The following NAV2 variants were observed in gnomAD, a reference collection of about 807,000 sequenced individuals.
NAV2 encodes helicase, APC down-regulated 1.
In NAV2, 54 loss-of-function variants were observed where a neutral mutation model predicts 223.2. The observed-to-expected ratio is 0.24, with a 90% CI of 0.19 to 0.30. The LOEUF (loss-of-function observed/expected upper bound fraction) is 0.30, where lower values mean the gene tolerates loss of function less well. Among genes scored for constraint, NAV2 ranks in the 10% least tolerant of loss-of-function variants. The pLI, the probability that NAV2 is intolerant of heterozygous loss-of-function variation, is 1.00. For missense variants in NAV2, 2,806 were observed against 3,147.5 expected, an observed-to-expected ratio of 0.89 and a Z score of 2.60; for synonymous variants, 1,279 against 1,239.3, an observed-to-expected ratio of 1.03 and a Z score of -0.67.
At chr11:19,430,398 C>G (rs1564930626) in intron 1 of NAV2, among the ~76,000 whole-genome samples, 1 of 152,218 alleles carries the variant, frequency 6.6e-6, no homozygotes, top group Non-Finnish European at 1.5e-5. Context: ...CTCGCATAGC[C>G]TCCTCAGGCT....
At chr11:19,489,332 T>G (rs1019734856) in intron 1 of NAV2, among the ~76,000 whole-genome samples, 4 of 152,176 alleles carry the variant, frequency 2.6e-5, no homozygotes, top group African/African-American at 9.7e-5. Context: ...AATGTGAAAA[T>G]TGTGATGTCT....
At chr11:19,515,719 C>A (rs1229517926) in intron 1 of NAV2, among the ~76,000 whole-genome samples, 1 of 152,132 alleles carries the variant, frequency 6.6e-6, no homozygotes, top group Non-Finnish European at 1.5e-5. Flanking sequence ...TCCCTTGATA[C>A]AAATAACTCT....
rs571521065 is a variant in NAV2, at chr11:19,831,230, G to A, written c.268-1254G>A. Among the ~76,000 whole-genome samples, 9 of 89,716 alleles carry A rather than the reference G, an allele frequency of 1.0e-4. 1 individual carries two copies. Among genetic ancestry groups the A allele is most frequent in the African/African-American group, 3.9e-4 (9 of 23,006 alleles). 58.9% of individuals were successfully genotyped at this position (89,716 alleles called of 152,430 possible). ...CCCATTCCAGGAGTGTTGCGGGGGGGGGGGGGGCGCGATGGGGAGTGGGGG... is the reference window on the plus strand; with the variant it reads ...CCCATTCCAGGAGTGTTGCGGGGGGAGGGGGGGCGCGATGGGGAGTGGGGG... On this transcript the variant is annotated intron_variant, in intron 1 of 37. Coordinates refer to ENST00000349880, the MANE Select transcript of NAV2 (RefSeq NM_145117.5).
intron 10 of NAV2, among the ~76,000 whole-genome samples, chr11:19,961,400 A>G (rs1255799509): frequency 5.9e-5 from 9 of 152,224 alleles, no homozygotes. Context: ...GAATATGAAA[A>G]GAAACATTTG....
chr11:20,090,502 C>T (rs994471704), intron 26 of NAV2, among the ~76,000 whole-genome samples: 1 of 151,718 alleles, frequency 6.6e-6, no homozygotes, highest in African/African-American at 2.4e-5. Flanking sequence ...AAAGTGAAAC[C>T]ACAAAAAGCA....
chr11:19,668,951 C>T (rs537408863), intron 1 of NAV2, among the ~76,000 whole-genome samples: 1 of 152,148 alleles, frequency 6.6e-6, no homozygotes, highest in African/African-American at 2.4e-5. Flanking sequence ...AATTAGGAAA[C>T]CTTGGATTTT....
intron 1 of NAV2, among the ~76,000 whole-genome samples, chr11:19,748,765 C>G (rs1298444570): frequency 6.6e-6 from 1 of 152,170 alleles, no homozygotes; most frequent in Non-Finnish European, 1.5e-5. Flanking sequence ...GTGCAGGCAC[C>G]TCACTTCACA....
chr11:19,506,903 G>A (rs2043138826), intron 1 of NAV2: 1 of 152,164 alleles, frequency 6.6e-6, no homozygotes, highest in Non-Finnish European at 1.5e-5. Context: ...TTCAAGATGG[G>A]GCCAGCAGAG....
At chr11:19,736,856 C>T (rs1178369316) in intron 1 of NAV2, among the ~76,000 whole-genome samples, 3 of 152,168 alleles carry the variant, frequency 2.0e-5, no homozygotes, top group African/African-American at 7.2e-5. Flanking sequence ...TTAGTATAGC[C>T]ACAACCACCT....
At chr11:19,963,556 G>C (rs1236919081) in intron 10 of NAV2, among the ~76,000 whole-genome samples, 1 of 152,174 alleles carries the variant, frequency 6.6e-6, no homozygotes, top group Admixed American at 6.5e-5. Context: ...CATTTGGAAG[G>C]GTAAGGTACA....
At chr11:19,799,344 T>G (rs903125786) in intron 1 of NAV2, among the ~76,000 whole-genome samples, 1 of 152,158 alleles carries the variant, frequency 6.6e-6, no homozygotes, top group Non-Finnish European at 1.5e-5. Context: ...ATTACAGATC[T>G]TCACTGAGTT....
At chr11:19,640,347 A>G (rs2047630277) in intron 1 of NAV2, among the ~76,000 whole-genome samples, 1 of 152,140 alleles carries the variant, frequency 6.6e-6, no homozygotes. Context: ...AAACTCTGAG[A>G]GAAGATTTTA....
intron 12 of NAV2, among the ~76,000 whole-genome samples, chr11:20,038,560 T>G (rs148932919): frequency 6.6e-6 from 1 of 152,304 alleles, no homozygotes; most frequent in Non-Finnish European, 1.5e-5. Flanking sequence ...CTCCCTCATA[T>G]CACGCTGAGG....
intron 6 of NAV2, among the ~76,000 whole-genome samples, chr11:19,919,073 A>G (rs1378328805): frequency 6.7e-6 from 1 of 149,962 alleles, no homozygotes; most frequent in Non-Finnish European, 1.5e-5. Context: ...GTGATTGGAG[A>G]AAAAAACATG....
chr11:19,953,982 T>C (rs1362830353), intron 10 of NAV2, among the ~76,000 whole-genome samples: 2 of 152,310 alleles, frequency 1.3e-5, no homozygotes, highest in East Asian at 3.9e-4. Flanking sequence ...ATTTTGAGAA[T>C]GGTCTATTCT....
intron 1 of NAV2, among the ~76,000 whole-genome samples, chr11:19,398,534 C>T (rs769910900): frequency 5.9e-5 from 9 of 152,138 alleles, no homozygotes; most frequent in Non-Finnish European, 1.3e-4. Context: ...CACAGAGAAC[C>T]TGTGGTATCA....
At chr11:19,686,926 T>G (rs574452374) in intron 1 of NAV2, among the ~76,000 whole-genome samples, 8 of 152,224 alleles carry the variant, frequency 5.3e-5, no homozygotes, top group Non-Finnish European at 1.0e-4. Flanking sequence ...AGTAACCATA[T>G]GAGGCGGGCA....
intron 1 of NAV2, among the ~76,000 whole-genome samples, chr11:19,743,725 C>T (rs549736168): frequency 2.6e-4 from 39 of 152,394 alleles, no homozygotes; most frequent in African/African-American, 9.4e-4. Context: ...AAAGCATTAG[C>T]TCATCCCTTC....
intron 27 of NAV2, 22 bp downstream of exon 27, chr11:20,091,040 C>T (rs2060806919): frequency 1.2e-6 from 2 of 1,610,474 alleles, no homozygotes; most frequent in Non-Finnish European, 1.7e-6. Context: ...GGAGCATGGG[C>T]TGAGCTCAAG....
Sources: gnomAD v4.1 joint callset for allele counts (sites outside exome capture counted in the v4.1 genomes callset) on GRCh38, gnomAD v4.1.1 for gene constraint, MANE v1.5 for transcripts, NCBI Gene and HGNC (gene_info 2026-07-23, HGNC 2026-07-21) for gene names.